The following TBC1D19 variants were observed in gnomAD, a reference collection of about 807,000 sequenced individuals.
TBC1D19 encodes TBC1 domain family member 19.
TBC1D19 carries 60 observed loss-of-function variants against 89.0 expected under a neutral mutation model. The ratio of observed to expected loss-of-function variants is 0.67; its 90% CI spans 0.55 to 0.84. The LOEUF (loss-of-function observed/expected upper bound fraction) is 0.84, where lower values mean the gene tolerates loss of function less well. Among genes scored for constraint, TBC1D19 ranks in the 40% least tolerant of loss-of-function variants. The pLI, the probability that TBC1D19 is intolerant of heterozygous loss-of-function variation, is 0.00. For synonymous variants in TBC1D19, 189 were observed against 199.7 expected (o/e 0.95, Z 0.45); for missense variants, 500 against 610.8 (o/e 0.82, Z 1.91).
chr4:26,657,245 C>A (rs1050625850), intron 7 of TBC1D19, among the ~76,000 whole-genome samples: 15 of 151,770 alleles, frequency 9.9e-5, no homozygotes, highest in East Asian at 3.9e-4. Flanking sequence ...TGCCTCTGAC[C>A]CCCTGACAGG....
upstream of TBC1D19, among the ~76,000 whole-genome samples, chr4:26,583,028 T>G (rs989833775): frequency 1.3e-5 from 2 of 152,244 alleles, no homozygotes; most frequent in Admixed American, 6.5e-5. Context: ...AATCTACATT[T>G]GATTGAATGA....
chr4:26,627,702 C>T (rs1012154352), intron 4 of TBC1D19, among the ~76,000 whole-genome samples: 4 of 152,100 alleles, frequency 2.6e-5, no homozygotes, highest in African/African-American at 7.2e-5. Flanking sequence ...TGAGAAGTGT[C>T]TGTTCATGTC....
intron 8 of TBC1D19, among the ~76,000 whole-genome samples, chr4:26,663,383 T>G (rs1034602133): frequency 3.9e-5 from 6 of 152,186 alleles, no homozygotes; most frequent in Middle Eastern, 3.2e-3. Flanking sequence ...GCTAAAATCC[T>G]CATTTTCCAT....
the TBC1D19 span, among the ~76,000 whole-genome samples, chr4:26,841,809 G>C: frequency 6.6e-6 from 1 of 152,120 alleles, no homozygotes; most frequent in Admixed American, 6.5e-5. Flanking sequence ...GACACCATCC[G>C]GGGTCAAGCC....
the TBC1D19 span, among the ~76,000 whole-genome samples, chr4:26,764,698 G>A: frequency 1.4e-4 from 22 of 152,190 alleles, no homozygotes; most frequent in African/African-American, 4.1e-4. Context: ...CTATAATGAT[G>A]GGTCATGGAA....
At chr4:26,753,917 A>T in intron 20 of TBC1D19, 27 bp downstream of exon 20, 2 of 1,612,754 alleles carry the variant, frequency 1.2e-6, no homozygotes, top group Middle Eastern at 3.3e-4. Flanking sequence ...CTCAGATGGG[A>T]TGGAAATAGT....
chr4:26,770,065 GA>G, the TBC1D19 span, among the ~76,000 whole-genome samples: 9,105 of 140,178 alleles, frequency 0.065, 391 homozygotes, highest in Non-Finnish European at 0.083. Flanking sequence ...GAGAAAAATA[GA>G]AAAAAAAAAC....
At chr4:26,650,484 C>T (rs1460747397) in intron 7 of TBC1D19, among the ~76,000 whole-genome samples, 9 of 152,166 alleles carry the variant, frequency 5.9e-5, no homozygotes, top group East Asian at 5.8e-4. Flanking sequence ...CATTTTTTCA[C>T]GTGTCTTTTG....
At chr4:26,697,917 CA>C (rs916274174) in intron 13 of TBC1D19, among the ~76,000 whole-genome samples, 39 of 152,248 alleles carry the variant, frequency 2.6e-4, no homozygotes, top group African/African-American at 8.9e-4. Flanking sequence ...ATTGAATGGG[CA>C]AAAACTGGAG....
At chr4:26,843,785 G>T in the TBC1D19 span, among the ~76,000 whole-genome samples, 2 of 152,142 alleles carry the variant, frequency 1.3e-5, no homozygotes, top group Admixed American at 1.3e-4. Context: ...TACAAGCAGG[G>T]CACCAGCACC....
intron 17 of TBC1D19, 138 bp downstream of exon 17, chr4:26,740,111 A>G: frequency 2.2e-6 from 1 of 453,856 alleles, no homozygotes; most frequent in Non-Finnish European, 3.9e-6. Flanking sequence ...TTTTTATTGC[A>G]AAAATGACAG....
At chr4:26,819,981 G>T in the TBC1D19 span, among the ~76,000 whole-genome samples, 2 of 152,084 alleles carry the variant, frequency 1.3e-5, no homozygotes, top group Non-Finnish European at 2.9e-5. Context: ...CCTTCTCAGT[G>T]AGGCCTTCCC....
At chr4:26,783,695 T>C in the TBC1D19 span, among the ~76,000 whole-genome samples, 1 of 152,182 alleles carries the variant, frequency 6.6e-6, no homozygotes, top group Non-Finnish European at 1.5e-5. Context: ...GGCAATACAG[T>C]GTCAAAATAA....
chr4:26,732,398 A>G (rs1717719585), intron 15 of TBC1D19, among the ~76,000 whole-genome samples: 1 of 152,070 alleles, frequency 6.6e-6, no homozygotes, highest in African/African-American at 2.4e-5. Flanking sequence ...ATTTTTCTTC[A>G]TAGCCCTTAT....
At chr4:26,785,695 C>T in the TBC1D19 span, among the ~76,000 whole-genome samples, 3 of 151,146 alleles carry the variant, frequency 2.0e-5, 1 homozygote, top group South Asian at 6.3e-4. Flanking sequence ...CAGACGTACA[C>T]TGTGTGTGTG....
chr4:26,803,114 A>C, the TBC1D19 span, among the ~76,000 whole-genome samples: 1 of 152,224 alleles, frequency 6.6e-6, no homozygotes, highest in African/African-American at 2.4e-5. Context: ...AGGGGAACGC[A>C]TGCCATCCCT....
At chr4:26,812,980 G>A in the TBC1D19 span, among the ~76,000 whole-genome samples, 1 of 152,056 alleles carries the variant, frequency 6.6e-6, no homozygotes, top group African/African-American at 2.4e-5. The surrounding 1 kb of genome is among the most constrained non-coding windows in gnomAD (Gnocchi z 4.2). Context: ...ACTTTGGGAG[G>A]CCCAAGGTGG....
rs4476587 is a variant in TBC1D19 at position 26,679,182 on chromosome 4, G to A, written c.817-4493G>A. 5.7e-3 allele frequency among the ~76,000 whole-genome samples: 867 copies of A among 152,270 alleles called. 8 individuals are homozygous for A. The highest frequency in any genetic ancestry group is 0.02 in the African/African-American group (829 of 41,556). On this transcript the variant is annotated intron_variant, in intron 11 of 20. Transcript: ENST00000264866. ...CCAGGGCATGTCAGAGACCTTGACA[G>A]CAGCCCCTCCCATCACAGGCTCAGA...
intron 15 of TBC1D19, among the ~76,000 whole-genome samples, chr4:26,733,621 C>T (rs1330621820): frequency 2.0e-5 from 3 of 152,130 alleles, no homozygotes; most frequent in Admixed American, 1.3e-4. Context: ...GTCTTCACCC[C>T]GTCATGTTCA....
Sources: allele counts gnomAD v4.1 joint callset (sites outside exome capture counted in the v4.1 genomes callset), GRCh38; gene constraint gnomAD v4.1.1; non-coding constraint Gnocchi (gnomAD v3.1); transcripts MANE v1.5; gene names NCBI Gene and HGNC (gene_info 2026-07-23, HGNC 2026-07-21).